The following RALYL variants were observed in gnomAD, a reference collection of about 807,000 sequenced individuals.
The protein encoded by RALYL is RALY RNA binding protein like, also known as RNA-binding Raly-like protein.
A neutral mutation model predicts 35.1 loss-of-function variants in RALYL; 29 were observed. The ratio of observed to expected loss-of-function variants is 0.83; its 90% CI spans 0.61 to 1.13. The LOEUF is 1.13. RALYL is among the 50% of genes most tolerant of loss of function. RALYL has a pLI of 0.00. For missense variants in RALYL, 359 were observed against 360.4 expected (o/e 1.00, Z 0.03); for synonymous variants, 120 against 127.6 (o/e 0.94, Z 0.40).
chr8:84,604,512 G>A lies in RALYL; in HGVS notation c.256+74935G>A, dbSNP rs114135632. ...ATAGTCCCATCTCGCTGCTGCTGCC[G>A]GCAGGGTGGGCTGTACTTTGCTGCA... is the stretch of plus-strand genomic sequence containing the variant. On this transcript the variant is annotated intron_variant, in intron 2 of 8. Transcript: ENST00000521268. 3.5e-3 allele frequency among the ~76,000 whole-genome samples: 535 copies of A among 152,204 alleles called. 6 individuals carry two copies. Among genetic ancestry groups the A allele is most frequent in the African/African-American group, 0.012 (513 of 41,540 alleles).
intron 1 of RALYL, among the ~76,000 whole-genome samples, chr8:84,395,038 A>C (rs1171856924): frequency 6.6e-6 from 1 of 151,924 alleles, no homozygotes; most frequent in Non-Finnish European, 1.5e-5. Flanking sequence ...TAAAACATTT[A>C]GGAACAACAA....
At chr8:84,589,233 G>C (rs555067367) in intron 2 of RALYL, among the ~76,000 whole-genome samples, 2 of 152,276 alleles carry the variant, frequency 1.3e-5, no homozygotes, top group African/African-American at 4.8e-5. Flanking sequence ...TGAAACTACA[G>C]AATCTCAATG....
At position 84,184,885 on chromosome 8, in the gene RALYL, G is replaced by A. The variant is rs1305382913; in HGVS notation, c.-24+461G>A. On this transcript the variant is annotated intron_variant, in intron 1 of 8. Coordinates refer to ENST00000521268, the MANE Select transcript of RALYL (RefSeq NM_173848.7). Reference sequence around the variant, plus strand: ...GATGGGGGTAGAAGCGGCAGAGACCGCATATTCCGGAGGGGCTGGCTCCAG... The same window carrying A: ...GATGGGGGTAGAAGCGGCAGAGACCACATATTCCGGAGGGGCTGGCTCCAG... 3.9e-6 allele frequency: 5 copies of A among 1,276,364 alleles called. No homozygotes were observed. In the East Asian group the frequency reaches 7.0e-5, roughly 18 times the overall value. The allele number at this position is 1,276,364 out of a possible 1,614,324, so 79.1% of individuals were successfully genotyped here.
chr8:84,596,089 C>CT (rs1305960418), intron 2 of RALYL, among the ~76,000 whole-genome samples: 1 of 152,108 alleles, frequency 6.6e-6, no homozygotes, highest in African/African-American at 2.4e-5. Context: ...AAGAAATCAA[C>CT]TACATAAATT....
intron 2 of RALYL, among the ~76,000 whole-genome samples, chr8:84,628,457 A>C (rs1823217860): frequency 6.6e-6 from 1 of 152,108 alleles, no homozygotes; most frequent in African/African-American, 2.4e-5. Flanking sequence ...GTTAGAATAT[A>C]AATTCCTTTG....
chr8:84,601,956 G>A (rs1251416705), intron 2 of RALYL, among the ~76,000 whole-genome samples: 1 of 151,974 alleles, frequency 6.6e-6, no homozygotes, highest in Admixed American at 6.6e-5. Flanking sequence ...TTTCTCTGTA[G>A]ACTGTTCTTT....
Position 84,428,104 on chromosome 8 carries a change from T to TCACACACA in RALYL, c.-23-101194_-23-101193insACACACAC, listed in dbSNP as rs769786577. 3.4e-3 allele frequency among the ~76,000 whole-genome samples: 444 copies of TCACACACA among 131,754 alleles called. 1 individual carries two copies. Among genetic ancestry groups the TCACACACA allele is most frequent in the African/African-American group, 0.011 (372 of 33,534 alleles). The allele number at this position is 131,754 out of a possible 152,430, so 86.4% of individuals were successfully genotyped here. A position where few individuals can be genotyped will look rare whatever the true frequency, so the allele number is the denominator to read the frequency against. On this transcript the variant is annotated intron_variant, in intron 1 of 8. Transcript: ENST00000521268. ...CTCTCTCTCTCTCTCTCTCTCTCTC[T>TCACACACA]CTCACACACACACACACACACACAC...
intron 1 of RALYL, among the ~76,000 whole-genome samples, chr8:84,328,972 G>C (rs1846329989): frequency 6.6e-6 from 1 of 152,308 alleles, no homozygotes; most frequent in South Asian, 2.1e-4. Flanking sequence ...ATTCCACGGT[G>C]TATGTGTACC....
intron 1 of RALYL, among the ~76,000 whole-genome samples, chr8:84,349,442 C>T (rs1850462154): frequency 6.7e-6 from 1 of 150,270 alleles, no homozygotes; most frequent in Admixed American, 6.6e-5. Context: ...TCCAAACACA[C>T]ATCAGTCTTT....
chr8:84,477,583 A>T (rs892203341), intron 1 of RALYL, among the ~76,000 whole-genome samples: 1 of 150,604 alleles, frequency 6.6e-6, no homozygotes, highest in African/African-American at 2.4e-5. Context: ...TTTTGCTTAC[A>T]GATTTATTAT....
At chr8:84,680,706 T>G (rs955695648) in intron 2 of RALYL, among the ~76,000 whole-genome samples, 4 of 152,212 alleles carry the variant, frequency 2.6e-5, no homozygotes, top group Non-Finnish European at 5.9e-5. Flanking sequence ...GTTTGTTTTT[T>G]TTCTTGTAAA....
chr8:84,735,678 C>G (rs1364904679), intron 2 of RALYL, among the ~76,000 whole-genome samples: 1 of 151,922 alleles, frequency 6.6e-6, no homozygotes, highest in East Asian at 1.9e-4. Flanking sequence ...TTACTAGTAC[C>G]CTTATACAAT....
chr8:84,539,708 T>C (rs1176034911), intron 2 of RALYL, among the ~76,000 whole-genome samples: 1 of 151,644 alleles, frequency 6.6e-6, no homozygotes, highest in Non-Finnish European at 1.5e-5. Flanking sequence ...TGGTATTTGA[T>C]AGTGAAAAAG....
chr8:84,374,243 C>T (rs1856485976), intron 1 of RALYL, among the ~76,000 whole-genome samples: 1 of 151,842 alleles, frequency 6.6e-6, no homozygotes. Context: ...CCAATACTAT[C>T]ATGAATAGGA....
rs575652744 is a variant in RALYL at position 84,777,907 on chromosome 8, C to T, written c.332+3253C>T. Reference sequence around the variant, plus strand: ...CCGCCCACTTCGGCCTCCCAAAGCGCTGGGATTACAGGCGTGAGCCACCGC... The same window carrying T: ...CCGCCCACTTCGGCCTCCCAAAGCGTTGGGATTACAGGCGTGAGCCACCGC... On this transcript the variant is annotated intron_variant, in intron 3 of 8. Transcript: ENST00000521268. Among the ~76,000 whole-genome samples the T allele has an allele frequency of 5.9e-5, 9 of 152,264 alleles. No individual in the cohort carries two copies. In the East Asian group the frequency reaches 1.7e-3, roughly 29 times the overall value.
chr8:84,528,555 A>G (rs2059062137), intron 1 of RALYL, among the ~76,000 whole-genome samples: 1 of 152,162 alleles, frequency 6.6e-6, no homozygotes, highest in African/African-American at 2.4e-5. Context: ...AAGTGAAGTT[A>G]AGAATAAAAT....
At chr8:84,689,415 T>C (rs1837543724) in intron 2 of RALYL, among the ~76,000 whole-genome samples, 1 of 152,218 alleles carries the variant, frequency 6.6e-6, no homozygotes, top group Non-Finnish European at 1.5e-5. Context: ...AACTCATCAT[T>C]TTTATGGCTG....
intron 2 of RALYL, among the ~76,000 whole-genome samples, chr8:84,662,777 A>T (rs1005831444): frequency 1.3e-5 from 2 of 152,126 alleles, no homozygotes; most frequent in Non-Finnish European, 2.9e-5. Flanking sequence ...ATTACTACAT[A>T]TTTATATAAA....
At chr8:84,425,474 A>G (rs1028879872) in intron 1 of RALYL, among the ~76,000 whole-genome samples, 51 of 152,056 alleles carry the variant, frequency 3.4e-4, no homozygotes, top group African/African-American at 1.1e-3. Flanking sequence ...AGATGCACCC[A>G]GTACCTCAGA....
Sources: allele counts gnomAD v4.1 joint callset (sites outside exome capture counted in the v4.1 genomes callset), GRCh38; gene constraint gnomAD v4.1.1; transcripts MANE v1.5; gene names NCBI Gene and HGNC (gene_info 2026-07-23, HGNC 2026-07-21).